FGF14: variants seen among roughly 807,000 people sequenced by gnomAD.
FGF14 encodes the protein fibroblast growth factor 14, also known as fibroblast growth factor homologous factor 4.
A neutral mutation model predicts 25.5 loss-of-function variants in FGF14; 5 were observed. The observed-to-expected ratio is 0.20, with a 90% CI of 0.10 to 0.41. The LOEUF is 0.41. Ranked by LOEUF, FGF14 falls within the 10% of genes least tolerant of loss-of-function variation. FGF14 has a pLI of 1.00. For missense variants in FGF14, 222 were observed against 320.1 expected (o/e 0.69, Z 2.34); for synonymous variants, 138 against 118.3 (o/e 1.17, Z -1.08).
At chr13:102,353,292 C>A (rs2057338808) in intron 1 of FGF14, among the ~76,000 whole-genome samples, 1 of 152,186 alleles carries the variant, frequency 6.6e-6, no homozygotes, top group Non-Finnish European at 1.5e-5. Flanking sequence ...CCATCCAAGT[C>A]TTCACTGTTG....
intron 1 of FGF14, among the ~76,000 whole-genome samples, chr13:101,910,122 T>G (rs2032751622): frequency 6.6e-6 from 1 of 151,764 alleles, no homozygotes; most frequent in African/African-American, 2.4e-5. Context: ...AGGGATAGCA[T>G]TAGGAGATAT....
At chr13:101,834,694 A>C (rs1004203281) in intron 3 of FGF14, among the ~76,000 whole-genome samples, 5 of 152,106 alleles carry the variant, frequency 3.3e-5, no homozygotes, top group Non-Finnish European at 7.4e-5. Flanking sequence ...AATCCAGAAA[A>C]AAAGGTTGGG....
intron 1 of FGF14, among the ~76,000 whole-genome samples, chr13:102,159,047 G>A (rs1198970603): frequency 1.3e-5 from 2 of 150,762 alleles, no homozygotes; most frequent in African/African-American, 2.4e-5. Flanking sequence ...GGCCGAGGCA[G>A]GAGAATCACT....
chr13:102,348,005 TAA>T (rs138743657), intron 1 of FGF14, among the ~76,000 whole-genome samples: 61 of 126,162 alleles, frequency 4.8e-4, no homozygotes, highest in African/African-American at 8.8e-4. Context: ...ATTTTCTGGG[TAA>T]AAAAAAAAAA....
At chr13:102,219,771 C>T (rs1566830041) in intron 1 of FGF14, among the ~76,000 whole-genome samples, 1 of 152,096 alleles carries the variant, frequency 6.6e-6, no homozygotes, top group Non-Finnish European at 1.5e-5. Flanking sequence ...AAAAGATTTT[C>T]TTTTAGTTAA....
rs116822638 is a variant in FGF14 at position 101,796,519 on chromosome 13, C to T, written c.409-69709G>A. On this transcript the variant is annotated intron_variant, in intron 3 of 4. Transcript: ENST00000376143. ...AAATTCATATATTGAAGTCCATACC[C>T]CTACCACTTCAGAGTACAACTGTAT... Among the ~76,000 whole-genome samples the T allele has an allele frequency of 2.6e-3, 401 of 152,094 alleles. 2 individuals carry two copies. Among genetic ancestry groups the T allele is most frequent in the African/African-American group, 9.3e-3 (387 of 41,514 alleles).
chr13:101,964,236 G>T (rs1227682641), intron 1 of FGF14, among the ~76,000 whole-genome samples: 1 of 151,112 alleles, frequency 6.6e-6, no homozygotes, highest in Non-Finnish European at 1.5e-5. Context: ...CTATCCCAAT[G>T]ACTTTTTAGT....
Position 102,309,135 on chromosome 13 carries a change from TAC to T in FGF14, c.208+92334_208+92335del, listed in dbSNP as rs34911009. ...CACACAAATGCATACATGCATAACATACACACACACACACACACACACACACA... is the reference window on the plus strand; with the variant it reads ...CACACAAATGCATACATGCATAACATACACACACACACACACACACACACA... On this transcript the variant is annotated intron_variant, in intron 1 of 4. Coordinates refer to the FGF14 transcript ENST00000376131. Among the ~76,000 whole-genome samples the T allele has an allele frequency of 3.9e-3, 550 of 142,446 alleles. 3 individuals are homozygous for T. The highest frequency in any genetic ancestry group is 9.2e-3 in the African/African-American group (348 of 37,648). The allele number at this position is 142,446 out of a possible 152,430, so 93.5% of individuals were successfully genotyped here. A position where few individuals can be genotyped will look rare whatever the true frequency, so the allele number is the denominator to read the frequency against.
At chr13:101,824,471 GTC>G (rs2042307356) in intron 3 of FGF14, among the ~76,000 whole-genome samples, 1 of 152,080 alleles carries the variant, frequency 6.6e-6, no homozygotes, top group Admixed American at 6.5e-5. Context: ...TTGAGATGAT[GTC>G]TCTATTTTTG....
At chr13:102,250,248 G>T (rs2052101638) in intron 1 of FGF14, among the ~76,000 whole-genome samples, 1 of 152,180 alleles carries the variant, frequency 6.6e-6, no homozygotes, top group Non-Finnish European at 1.5e-5. Flanking sequence ...AAGGGAGGAA[G>T]TGCACAAGGA....
intron 2 of FGF14, among the ~76,000 whole-genome samples, chr13:101,869,056 T>TC (rs1309232409): frequency 2.0e-5 from 3 of 152,304 alleles, no homozygotes; most frequent in African/African-American, 7.2e-5. Flanking sequence ...CTGACAGCAT[T>TC]CTGAAGGGCT....
intron 1 of FGF14, among the ~76,000 whole-genome samples, chr13:102,134,015 GTCA>G (rs1429993799): frequency 2.6e-5 from 4 of 152,058 alleles, no homozygotes; most frequent in African/African-American, 9.7e-5. Context: ...ACTTCATTTT[GTCA>G]TCTTTATTTT....
At chr13:102,239,754 T>C (rs1304155148) in intron 1 of FGF14, among the ~76,000 whole-genome samples, 2 of 152,202 alleles carry the variant, frequency 1.3e-5, no homozygotes, top group Non-Finnish European at 2.9e-5. Flanking sequence ...TTTACTTTTC[T>C]TACTGCAACC....
chr13:102,391,617 T>C (rs1301394079), intron 1 of FGF14, among the ~76,000 whole-genome samples: 1 of 152,218 alleles, frequency 6.6e-6, no homozygotes, highest in Non-Finnish European at 1.5e-5. Context: ...GTATTTTATG[T>C]TACTTGTCAT....
At chr13:101,987,467 G>A (rs1330288604) in intron 1 of FGF14, among the ~76,000 whole-genome samples, 2 of 151,956 alleles carry the variant, frequency 1.3e-5, no homozygotes, top group African/African-American at 4.8e-5. Context: ...CCCATATATT[G>A]AAGTGTTTTT....
At chr13:102,118,447 T>C (rs191557944) in intron 1 of FGF14, among the ~76,000 whole-genome samples, 2 of 152,174 alleles carry the variant, frequency 1.3e-5, no homozygotes, top group East Asian at 1.9e-4. Flanking sequence ...CACCCAAATA[T>C]TGGTTACTAC....
intron 1 of FGF14, among the ~76,000 whole-genome samples, chr13:101,927,713 G>A (rs1014344733): frequency 1.3e-5 from 2 of 152,054 alleles, no homozygotes; most frequent in Non-Finnish European, 2.9e-5. Flanking sequence ...GTGAGTCAAC[G>A]ATGTGCACAG....
chr13:102,382,868 T>G (rs1024163572), intron 1 of FGF14, among the ~76,000 whole-genome samples: 3 of 152,138 alleles, frequency 2.0e-5, no homozygotes, highest in Non-Finnish European at 4.4e-5. Context: ...ATTGAATGAT[T>G]CCATTCTTAT....
At chr13:101,795,488 T>C (rs186053435) in intron 3 of FGF14, among the ~76,000 whole-genome samples, 41 of 152,180 alleles carry the variant, frequency 2.7e-4, no homozygotes, top group Admixed American at 2.6e-3. Context: ...ATCTGTGAGG[T>C]TTGCTGTCTC....
Sources: gnomAD v4.1 joint callset for allele counts (sites outside exome capture counted in the v4.1 genomes callset) on GRCh38, gnomAD v4.1.1 for gene constraint, MANE v1.5 for transcripts, NCBI Gene and HGNC (gene_info 2026-07-23, HGNC 2026-07-21) for gene names.